Variants in PLGRKT observed in about 807,000 individuals in gnomAD.
PLGRKT encodes plasminogen receptor with a C-terminal lysine.
Under a neutral mutation model 18.5 loss-of-function variants are expected in PLGRKT, and 22 were observed. That is an observed-to-expected ratio of 1.19 (90% CI 0.85 to 1.70). The LOEUF is 1.70. Ranked by LOEUF, PLGRKT falls within the 40% of genes most tolerant of loss-of-function variation. The probability of loss-of-function intolerance (pLI) is 0.00; values close to 1 mark genes in which losing one functional copy is unlikely to be tolerated. For missense variants in PLGRKT, 235 were observed against 174.4 expected (o/e 1.35, Z -1.96); for synonymous variants, 72 against 52.8 (o/e 1.36, Z -1.58).
intron 3 of PLGRKT, among the ~76,000 whole-genome samples, chr9:5,388,906 T>G (rs1263878062): frequency 1.3e-5 from 2 of 152,046 alleles, no homozygotes; most frequent in Admixed American, 1.3e-4. Flanking sequence ...TAAATAAGTA[T>G]TAGGTATTTA....
At chr9:5,367,468 T>C (rs1336220048) in intron 3 of PLGRKT, among the ~76,000 whole-genome samples, 2 of 152,100 alleles carry the variant, frequency 1.3e-5, no homozygotes, top group Non-Finnish European at 2.9e-5. Context: ...TTAACAAAGC[T>C]GACAAAAATA....
At chr9:5,367,399 C>T (rs1171041150) in intron 3 of PLGRKT, among the ~76,000 whole-genome samples, 5 of 152,002 alleles carry the variant, frequency 3.3e-5, no homozygotes, top group Admixed American at 2.0e-4. Context: ...GAAACGTATG[C>T]CAATGGAAAA....
At chr9:5,435,522 G>GA (rs1368440324) in intron 2 of PLGRKT, among the ~76,000 whole-genome samples, 1 of 152,026 alleles carries the variant, frequency 6.6e-6, no homozygotes, top group Non-Finnish European at 1.5e-5. Context: ...TCTCAAAAAT[G>GA]GAAAAACATA....
Position 5,381,208 on chromosome 9 carries a change from G to A in PLGRKT, c.82-19320C>T, listed in dbSNP as rs144307519. Among the ~76,000 whole-genome samples the A allele has an allele frequency of 1.4e-3, 209 of 152,336 alleles. 2 individuals carry two copies. Among genetic ancestry groups the A allele is most frequent in the Non-Finnish European group, 1.5e-3 (103 of 68,024 alleles). On this transcript the variant is annotated intron_variant, in intron 3 of 5. Coordinates refer to ENST00000223864, the MANE Select transcript of PLGRKT (RefSeq NM_018465.4). ...CCAAATGTTAATAGCCAAGACAATGGGGAAAATGTCTCCAGGGCATTTCAG... is the reference window on the plus strand; with the variant it reads ...CCAAATGTTAATAGCCAAGACAATGAGGAAAATGTCTCCAGGGCATTTCAG...
chr9:5,361,309 TA>T, intron 4 of PLGRKT, 122 bp from the exon 5 acceptor site: 1 of 604,516 alleles, frequency 1.7e-6, no homozygotes, highest in Non-Finnish European at 2.9e-6. Flanking sequence ...AGAAGTTACT[TA>T]ACACATTTGA....
intron 3 of PLGRKT, among the ~76,000 whole-genome samples, chr9:5,380,860 C>T (rs1817728982): frequency 6.6e-6 from 1 of 152,134 alleles, no homozygotes; most frequent in Non-Finnish European, 1.5e-5. Context: ...AAATTGTAAT[C>T]CCTATGTATA....
chr9:5,363,301 C>A (rs908902122), intron 3 of PLGRKT, among the ~76,000 whole-genome samples: 1 of 151,936 alleles, frequency 6.6e-6, no homozygotes, highest in African/African-American at 2.4e-5. Context: ...TCCAGGCTGG[C>A]GTAACCATCA....
intron 3 of PLGRKT, among the ~76,000 whole-genome samples, chr9:5,385,095 G>A (rs888637946): frequency 6.6e-6 from 1 of 152,018 alleles, no homozygotes; most frequent in East Asian, 1.9e-4. Flanking sequence ...CATTGTAAGT[G>A]TTTTAGATTT....
intron 3 of PLGRKT, among the ~76,000 whole-genome samples, chr9:5,377,018 A>AT (rs1817641802): frequency 6.6e-6 from 1 of 152,210 alleles, no homozygotes; most frequent in Non-Finnish European, 1.5e-5. Flanking sequence ...TTAAGCCTTC[A>AT]TTTCAGAATG....
chr9:5,398,583 T>C (rs2131123948), intron 3 of PLGRKT, among the ~76,000 whole-genome samples: 1 of 151,868 alleles, frequency 6.6e-6, no homozygotes, highest in South Asian at 2.1e-4. Context: ...AGTTTTCAAT[T>C]TGATAAAGCT....
chr9:5,392,339 G>C (rs1307059256), intron 3 of PLGRKT: 1 of 151,892 alleles, frequency 6.6e-6, no homozygotes, highest in Non-Finnish European at 1.5e-5. Flanking sequence ...AGTCCCAGAG[G>C]AATGTATTCT....
chr9:5,409,999 C>A (rs958316371), intron 3 of PLGRKT, among the ~76,000 whole-genome samples: 32 of 152,040 alleles, frequency 2.1e-4, no homozygotes, highest in African/African-American at 7.0e-4. Flanking sequence ...CCTTTAAAAA[C>A]CCTAGAAACC....
At chr9:5,364,203 A>C (rs1489763784) in intron 3 of PLGRKT, among the ~76,000 whole-genome samples, 1 of 152,226 alleles carries the variant, frequency 6.6e-6, no homozygotes, top group Non-Finnish European at 1.5e-5. Flanking sequence ...ATCTGGAGGT[A>C]AAATCAGGCA....
intron 3 of PLGRKT, among the ~76,000 whole-genome samples, chr9:5,410,091 A>G (rs1438907936): frequency 6.6e-6 from 1 of 152,236 alleles, no homozygotes; most frequent in Non-Finnish European, 1.5e-5. Flanking sequence ...TAAAAGCAAG[A>G]AAAATTGCTA....
chr9:5,378,535 T>C (rs1174668165), intron 3 of PLGRKT, among the ~76,000 whole-genome samples: 1 of 152,194 alleles, frequency 6.6e-6, no homozygotes, highest in Non-Finnish European at 1.5e-5. Context: ...CCCATGCTCT[T>C]GGAAGTCAGG....
At chr9:5,395,837 T>G (rs1182044057) in intron 3 of PLGRKT, among the ~76,000 whole-genome samples, 3 of 151,832 alleles carry the variant, frequency 2.0e-5, no homozygotes, top group African/African-American at 7.3e-5. Context: ...TTTTTTTTAT[T>G]TGATTGGATA....
intron 3 of PLGRKT, among the ~76,000 whole-genome samples, chr9:5,366,736 G>T (rs1337978630): frequency 6.6e-6 from 1 of 152,020 alleles, no homozygotes; most frequent in African/African-American, 2.4e-5. Flanking sequence ...TGTAGTACTG[G>T]AAGTCCTAGC....
At chr9:5,376,016 C>T (rs1285781728) in intron 3 of PLGRKT, among the ~76,000 whole-genome samples, 1 of 152,104 alleles carries the variant, frequency 6.6e-6, no homozygotes, top group Non-Finnish European at 1.5e-5. Context: ...TATTATTCAG[C>T]CATAAAAAGG....
chr9:5,431,869 A>C, intron 3 of PLGRKT, 28 bp downstream of exon 3: 2 of 1,098,664 alleles, frequency 1.8e-6, no homozygotes, highest in Non-Finnish European at 2.8e-6. Context: ...TTGTAACAAC[A>C]TAATAGCTTA....
Sources: allele counts gnomAD v4.1 joint callset (sites outside exome capture counted in the v4.1 genomes callset), GRCh38; gene constraint gnomAD v4.1.1; transcripts MANE v1.5; gene names NCBI Gene and HGNC (gene_info 2026-07-23, HGNC 2026-07-21).